ITGB3BP: variants seen among roughly 807,000 people sequenced by gnomAD.
ITGB3BP encodes integrin subunit beta 3 binding protein, also known as centromere protein R.
ITGB3BP carries 27 observed loss-of-function variants against 29.1 expected under a neutral mutation model. The observed-to-expected ratio is 0.93, with a 90% confidence interval of 0.68 to 1.28. The LOEUF (loss-of-function observed/expected upper bound fraction) is 1.28. ITGB3BP is among the 50% of genes most tolerant of loss of function. ITGB3BP has a pLI of 0.00. For synonymous variants in ITGB3BP, 61 were observed against 61.4 expected (o/e 0.99, Z 0.03); for missense variants, 192 against 200.2 (o/e 0.96, Z 0.25).
intron 1 of ITGB3BP, chr1:63,510,027 A>G: frequency 3.7e-6 from 2 of 540,392 alleles, no homozygotes; most frequent in South Asian, 2.4e-5. Context: ...TGTCTGTACT[A>G]AAAATACAAA....
At chr1:63,445,220 A>G (rs1486470918) in intron 8 of ITGB3BP, among the ~76,000 whole-genome samples, 1 of 152,142 alleles carries the variant, frequency 6.6e-6, no homozygotes, top group African/African-American at 2.4e-5. Flanking sequence ...CAGGAGGTGG[A>G]GGTTTCAGTG....
intron 1 of ITGB3BP, chr1:63,510,129 G>A: frequency 4.7e-6 from 3 of 633,770 alleles, no homozygotes; most frequent in Non-Finnish European, 8.8e-6. Flanking sequence ...AGCAGATGTT[G>A]CAGTGAACGG....
At chr1:63,515,930 C>T (rs548247866) in intron 1 of ITGB3BP, among the ~76,000 whole-genome samples, 2 of 149,486 alleles carry the variant, frequency 1.3e-5, no homozygotes, top group South Asian at 4.3e-4. Flanking sequence ...GACAAATGTA[C>T]TTGTACATTT....
At chr1:63,453,770 AT>A in intron 7 of ITGB3BP, 147 bp downstream of exon 7, 1 of 578,248 alleles carries the variant, frequency 1.7e-6, no homozygotes, top group Non-Finnish European at 3.1e-6. Context: ...TTCAAATGAG[AT>A]TTGTGATCTT....
At chr1:63,476,561 T>C (rs1270315832) in intron 4 of ITGB3BP, among the ~76,000 whole-genome samples, 1 of 152,214 alleles carries the variant, frequency 6.6e-6, no homozygotes, top group South Asian at 2.1e-4. Context: ...CCCTTGCTCC[T>C]TGAAGCCCAC....
intron 1 of ITGB3BP, 56 bp downstream of exon 1, chr1:63,523,073 C>T (rs761082910): frequency 1.2e-6 from 2 of 1,605,168 alleles, no homozygotes; most frequent in Non-Finnish European, 8.5e-7. Flanking sequence ...CACATAATAT[C>T]TTCTCTTCTT....
chr1:63,504,391 T>C (rs1429934020), intron 2 of ITGB3BP, among the ~76,000 whole-genome samples: 1 of 151,972 alleles, frequency 6.6e-6, no homozygotes, highest in Non-Finnish European at 1.5e-5. Context: ...AAGTTGCCTA[T>C]CAGCTTAAGG....
chr1:63,498,487 T>A (rs1645844651), intron 2 of ITGB3BP, among the ~76,000 whole-genome samples: 2 of 152,008 alleles, frequency 1.3e-5, no homozygotes, highest in South Asian at 4.1e-4. Flanking sequence ...GGAATTTTTT[T>A]AAAACTTAAA....
At chr1:63,523,612 C>T (rs933561234), upstream of ITGB3BP, 3 of 186,630 alleles carry the variant, frequency 1.6e-5, no homozygotes, top group Non-Finnish European at 3.5e-5. Context: ...GGCTGCGCTT[C>T]CTTGTTTGTG....
intron 2 of ITGB3BP, among the ~76,000 whole-genome samples, chr1:63,493,121 C>T (rs1250783824): frequency 6.8e-6 from 1 of 147,600 alleles, no homozygotes; most frequent in Non-Finnish European, 1.5e-5. Flanking sequence ...GATGTCACAA[C>T]CACTTCTATA....
At chr1:63,456,211 T>C (rs12724335) in intron 4 of ITGB3BP, among the ~76,000 whole-genome samples, 36,595 of 152,120 alleles carry the variant, frequency 0.24, 5,023 homozygotes, top group Non-Finnish European at 0.32. Flanking sequence ...TGATATACAA[T>C]GTATATGTAC....
At chr1:63,525,203 C>T (rs1024937053), upstream of ITGB3BP, among the ~76,000 whole-genome samples, 3 of 152,030 alleles carry the variant, frequency 2.0e-5, no homozygotes, top group African/African-American at 4.8e-5. Context: ...ATCTGACTTT[C>T]GTATTTTGAG....
chr1:63,460,028 T>A (rs191272378), intron 4 of ITGB3BP, among the ~76,000 whole-genome samples: 4 of 150,244 alleles, frequency 2.7e-5, no homozygotes, highest in Admixed American at 6.6e-5. Context: ...AAAAAAAAAA[T>A]TCCCCCCCGT....
At chr1:63,508,593 A>C in intron 1 of ITGB3BP, 23 bp from the exon 2 acceptor site, 1 of 1,144,224 alleles carries the variant, frequency 8.7e-7, no homozygotes, top group Non-Finnish European at 1.2e-6. Flanking sequence ...AATTTAAAGA[A>C]ATTTTAGATT....
At chr1:63,467,245 T>C (rs1645113973) in intron 4 of ITGB3BP, among the ~76,000 whole-genome samples, 1 of 152,052 alleles carries the variant, frequency 6.6e-6, no homozygotes, top group Non-Finnish European at 1.5e-5. Context: ...TTTATAATCA[T>C]TAACATTTAG....
intron 3 of ITGB3BP, among the ~76,000 whole-genome samples, chr1:63,483,776 C>G (rs902825473): frequency 1.3e-5 from 2 of 152,080 alleles, no homozygotes; most frequent in Non-Finnish European, 2.9e-5. Flanking sequence ...TCTACTGTAC[C>G]TTTTCTACTC....
At chr1:63,493,271 G>T (rs761479148) in intron 2 of ITGB3BP, among the ~76,000 whole-genome samples, 27 of 151,846 alleles carry the variant, frequency 1.8e-4, no homozygotes, top group Non-Finnish European at 3.4e-4. Flanking sequence ...ACAAAAATTA[G>T]CCAGGCATGG....
At chr1:63,474,755 C>A (rs928242987) in intron 4 of ITGB3BP, among the ~76,000 whole-genome samples, 1 of 150,990 alleles carries the variant, frequency 6.6e-6, no homozygotes, top group Non-Finnish European at 1.5e-5. Flanking sequence ...ACAAACACTG[C>A]GGAAGGCCGC....
At chr1:63,493,655 C>T (rs192903072) in intron 2 of ITGB3BP, among the ~76,000 whole-genome samples, 2 of 152,192 alleles carry the variant, frequency 1.3e-5, no homozygotes, top group African/African-American at 4.8e-5. Context: ...AATGTTCTCT[C>T]AATAATTTCA....
Sources: gnomAD v4.1 joint callset for allele counts (sites outside exome capture counted in the v4.1 genomes callset) on GRCh38, gnomAD v4.1.1 for gene constraint, MANE v1.5 for transcripts, NCBI Gene and HGNC (gene_info 2026-07-23, HGNC 2026-07-21) for gene names.